Variants in LRFN5 observed in about 807,000 individuals in gnomAD.
The protein encoded by LRFN5 is leucine-rich repeat and fibronectin type-III domain-containing protein 5.
In LRFN5, 24 loss-of-function variants were observed where a neutral mutation model predicts 45.6. That is an observed-to-expected ratio of 0.53 (90% confidence interval 0.38 to 0.74). LRFN5 has a LOEUF of 0.74. Ranked by LOEUF, LRFN5 falls within the 30% of genes least tolerant of loss-of-function variation. LRFN5 has a pLI of 0.00. For missense variants in LRFN5, 776 were observed against 861.5 expected, an observed-to-expected ratio of 0.90 and a Z score of 1.24; for synonymous variants, 340 against 313.8, an observed-to-expected ratio of 1.08 and a Z score of -0.88.
intron 2 of LRFN5, among the ~76,000 whole-genome samples, chr14:41,770,178 G>A (rs576108849): frequency 1.7e-4 from 26 of 152,250 alleles, no homozygotes; most frequent in African/African-American, 6.0e-4. Context: ...CATTCATGAG[G>A]TATCTATCCC....
chr14:41,674,628 CG>C (rs2138670279), intron 1 of LRFN5, among the ~76,000 whole-genome samples: 1 of 148,604 alleles, frequency 6.7e-6, no homozygotes, highest in Admixed American at 6.6e-5. Flanking sequence ...CCCTCCTGGA[CG>C]GGGCGGTTGG....
intron 1 of LRFN5, among the ~76,000 whole-genome samples, chr14:41,697,309 T>C (rs917995950): frequency 1.3e-5 from 2 of 151,850 alleles, no homozygotes; most frequent in African/African-American, 4.8e-5. Flanking sequence ...TTTTTTAATT[T>C]CTTTTGTTTC....
intron 2 of LRFN5, among the ~76,000 whole-genome samples, chr14:41,787,595 CTGAA>C (rs1178803121): frequency 6.6e-6 from 1 of 151,382 alleles, no homozygotes; most frequent in Admixed American, 6.6e-5. Context: ...TCTATTTTTC[CTGAA>C]TTTTCAAAGT....
rs191760159 is a variant in LRFN5, at chr14:41,691,106, G to C, written c.-196-75748G>C. Among the ~76,000 whole-genome samples the C allele has an allele frequency of 2.2e-4, 33 of 151,866 alleles. 1 individual carries two copies. In the East Asian group the frequency reaches 6.2e-3, roughly 29 times the overall value. On this transcript the variant is annotated intron_variant, in intron 1 of 5. Coordinates refer to ENST00000298119, the MANE Select transcript of LRFN5 (RefSeq NM_152447.5). ...TTTTCTCTGTTGAGCATTTATTTTT[G>C]ATTGTATTAAATTTTGTCATTATTA... is the stretch of plus-strand genomic sequence containing the variant.
intron 1 of LRFN5, among the ~76,000 whole-genome samples, chr14:41,754,643 G>T (rs2138852506): frequency 6.6e-6 from 1 of 152,140 alleles, no homozygotes; most frequent in Non-Finnish European, 1.5e-5. Flanking sequence ...GTGTCTATTT[G>T]ATTCTTCTCT....
chr14:41,760,114 A>G (rs1424015649), intron 1 of LRFN5, among the ~76,000 whole-genome samples: 1 of 152,156 alleles, frequency 6.6e-6, no homozygotes, highest in Non-Finnish European at 1.5e-5. Context: ...GCTTCTATTT[A>G]GTTTTCTAAA....
At chr14:41,725,921 C>G (rs928803489) in intron 1 of LRFN5, among the ~76,000 whole-genome samples, 7 of 152,154 alleles carry the variant, frequency 4.6e-5, no homozygotes, top group African/African-American at 1.4e-4. Context: ...GAAAATGTTA[C>G]TGTTCAAAGT....
chr14:41,775,674 A>T (rs766729625), intron 2 of LRFN5, among the ~76,000 whole-genome samples: 8 of 152,216 alleles, frequency 5.3e-5, no homozygotes, highest in Non-Finnish European at 1.0e-4. Flanking sequence ...TTAACGCAGA[A>T]ATCATCCACA....
At chr14:41,738,352 G>A (rs1594661652) in intron 1 of LRFN5, among the ~76,000 whole-genome samples, 1 of 152,084 alleles carries the variant, frequency 6.6e-6, no homozygotes, top group South Asian at 2.1e-4. Context: ...AACTCAAGAT[G>A]GATTAAAGAC....
intron 1 of LRFN5, among the ~76,000 whole-genome samples, chr14:41,646,451 A>G (rs1879823314): frequency 1.3e-5 from 2 of 152,288 alleles, no homozygotes; most frequent in South Asian, 4.1e-4. Flanking sequence ...GATATTCAAC[A>G]TGAAGTAGAA....
chr14:41,891,971 A>C lies in LRFN5; in HGVS notation c.2098+9A>C. ...AGCACATATAAAGCCAAGTAAGTTT[A>C]TCACTTTGCCTGCTGAGAGATCCGG... On this transcript the variant is annotated intron_variant, in intron 4 of 5. Coordinates refer to ENST00000298119, the MANE Select transcript of LRFN5 (RefSeq NM_152447.5). 1 of 1,608,750 alleles carries C rather than the reference A, an allele frequency of 6.2e-7. No homozygotes were observed. Among genetic ancestry groups the C allele is most frequent in the Non-Finnish European group, 8.5e-7 (1 of 1,178,752 alleles).
chr14:41,847,310 T>C (rs546789130), intron 2 of LRFN5, among the ~76,000 whole-genome samples: 2 of 152,212 alleles, frequency 1.3e-5, no homozygotes, highest in Non-Finnish European at 2.9e-5. Flanking sequence ...TGGGGAGTAA[T>C]AGTATGCATT....
intron 1 of LRFN5, among the ~76,000 whole-genome samples, chr14:41,735,323 A>C (rs1884377410): frequency 1.3e-5 from 2 of 152,120 alleles, no homozygotes; most frequent in Non-Finnish European, 2.9e-5. Flanking sequence ...GCAGTAATGC[A>C]GTGGCACAAT....
At chr14:41,612,214 T>C (rs1038239688) in intron 1 of LRFN5, among the ~76,000 whole-genome samples, 20 of 152,132 alleles carry the variant, frequency 1.3e-4, no homozygotes, top group African/African-American at 4.6e-4. Context: ...TATCTAACAA[T>C]ATTTCTGCCT....
intron 4 of LRFN5, among the ~76,000 whole-genome samples, chr14:41,898,110 T>C (rs1227390188): frequency 6.6e-6 from 1 of 152,110 alleles, no homozygotes; most frequent in Non-Finnish European, 1.5e-5. Flanking sequence ...CATGAATATT[T>C]GTGCTGAAAG....
intron 1 of LRFN5, among the ~76,000 whole-genome samples, chr14:41,639,949 A>ATTTTTTTTTTTTTTTTTTTTTTTTT (rs34020254): frequency 1.0e-4 from 7 of 68,034 alleles, no homozygotes; most frequent in Non-Finnish European, 1.1e-4. Context: ...TGACTGGCTA[A>ATTTTTTTTTTTTTTTTTTTTTTTTT]TTTTTTTTTT....
intron 1 of LRFN5, among the ~76,000 whole-genome samples, chr14:41,642,709 G>A (rs1879635302): frequency 6.6e-6 from 1 of 152,170 alleles, no homozygotes; most frequent in Admixed American, 6.6e-5. Flanking sequence ...TTGACAGAAA[G>A]GCAATACATC....
chr14:41,811,598 T>TA (rs1887738384), intron 2 of LRFN5, among the ~76,000 whole-genome samples: 1 of 152,064 alleles, frequency 6.6e-6, no homozygotes, highest in Non-Finnish European at 1.5e-5. Flanking sequence ...TAAAAAGGAA[T>TA]AAAGTAATGA....
chr14:41,631,104 T>C (rs1182981107), intron 1 of LRFN5, among the ~76,000 whole-genome samples: 2 of 152,256 alleles, frequency 1.3e-5, no homozygotes, highest in Admixed American at 1.3e-4. Flanking sequence ...CCTCATTGCT[T>C]ACTAAATTAA....
Sources: gnomAD v4.1 joint callset for allele counts (sites outside exome capture counted in the v4.1 genomes callset) on GRCh38, gnomAD v4.1.1 for gene constraint, MANE v1.5 for transcripts, NCBI Gene and HGNC (gene_info 2026-07-23, HGNC 2026-07-21) for gene names.